Variants in ERN1 observed in about 807,000 individuals in gnomAD.
ERN1 encodes the protein endoplasmic reticulum to nucleus signaling 1.
A neutral mutation model predicts 113.1 loss-of-function variants in ERN1; 39 were observed. The ratio of observed to expected loss-of-function variants is 0.34; its 90% CI spans 0.27 to 0.45. The LOEUF is 0.45. Ranked by LOEUF, ERN1 falls within the 20% of genes least tolerant of loss-of-function variation. The pLI is 1.00. For synonymous variants in ERN1, 507 were observed against 515.9 expected, an observed-to-expected ratio of 0.98 and a Z score of 0.23; for missense variants, 976 against 1,274.8, an observed-to-expected ratio of 0.77 and a Z score of 3.57.
chr17:64,116,156 C>CTT lies in ERN1; in HGVS notation c.54+13819_54+13820insAA. 1.3e-5 allele frequency among the ~76,000 whole-genome samples: 2 copies of CTT among 152,270 alleles called. 1 individual carries two copies. On this transcript the variant is annotated intron_variant, in intron 1 of 21. Coordinates refer to ENST00000433197, the MANE Select transcript of ERN1 (RefSeq NM_001433.5). Reference sequence around the variant, plus strand: ...ACTAATGTTACATGGGACCAGGTGGCTGATTCCCAGGCACACCTACCTACT... The same window carrying CTT: ...ACTAATGTTACATGGGACCAGGTGGCTTTGATTCCCAGGCACACCTACCTACT...
chr17:64,064,514 A>G (rs1440500928), intron 9 of ERN1, among the ~76,000 whole-genome samples: 1 of 152,220 alleles, frequency 6.6e-6, no homozygotes. Flanking sequence ...GTCCAGCCAC[A>G]CGCCCAGTGC....
intron 11 of ERN1, among the ~76,000 whole-genome samples, chr17:64,058,925 C>A (rs1223972933): frequency 2.0e-5 from 3 of 152,138 alleles, no homozygotes; most frequent in African/African-American, 7.2e-5. Context: ...ATATAGGAAG[C>A]ACCTGGGCAT....
rs768712863 is a variant in ERN1 at position 64,055,816 on chromosome 17, G to C, written c.1531C>G (p.Leu511Val). ...TCTGAGTACGGGCCAGACGTGTCCA[G>C]GAGCTCGCCGTCCTGAGCCGTGTCT... Reference protein sequence around the residue: ...PGDTAQDGELLDTSGPYSESS... With the variant: ...PGDTAQDGELVDTSGPYSESS... Residue 511 changes from leucine (L) to valine (V), a missense_variant, in exon 13 of 22, where the codon CTG (leucine) becomes GTG (valine). This residue lies in a region of ERN1 where 112 missense variants were observed against 106.2 expected (regional missense o/e 1.05). Transcript: ENST00000433197. 3 of 1,569,678 alleles carry C rather than the reference G, an allele frequency of 1.9e-6. No homozygotes were observed. The highest frequency in any genetic ancestry group is 2.6e-6 in the Non-Finnish European group (3 of 1,157,526).
At chr17:64,125,222 T>C (rs1265042049) in intron 1 of ERN1, among the ~76,000 whole-genome samples, 2 of 152,232 alleles carry the variant, frequency 1.3e-5, no homozygotes, top group Non-Finnish European at 2.9e-5. Flanking sequence ...TTTTTTAATT[T>C]AGGCTTATCT....
intron 7 of ERN1, chr17:64,067,989 C>A: frequency 1.9e-6 from 1 of 516,386 alleles, no homozygotes. Flanking sequence ...CATTTTACTT[C>A]GGTTTCCCTT....
chr17:64,119,376 G>GTTGTTTTTTTTTTTTT lies in ERN1; in HGVS notation c.54+10599_54+10600insAAAAAAAAAAAAACAA, dbSNP rs777806993. ...TAATATTAGGTTCCTTTTTTTCTAG[G>GTTGTTTTTTTTTTTTT]TTTTTTTTTTTTTTTTTTTTTTTTT... is the stretch of plus-strand genomic sequence containing the variant. On this transcript the variant is annotated intron_variant, in intron 1 of 21. Transcript: ENST00000433197. Among the ~76,000 whole-genome samples, 33 of 77,894 alleles carry GTTGTTTTTTTTTTTTT rather than the reference G, an allele frequency of 4.2e-4. 2 individuals are homozygous for GTTGTTTTTTTTTTTTT. Among genetic ancestry groups the GTTGTTTTTTTTTTTTT allele is most frequent in the African/African-American group, 1.8e-3 (33 of 17,928 alleles). 51.1% of individuals were successfully genotyped at this position (77,894 alleles called of 152,430 possible).
Position 64,054,069 on chromosome 17 carries a change from A to T in ERN1, c.1953+181T>A. 2 of 531,294 alleles carry T rather than the reference A, an allele frequency of 3.8e-6. No individual in the cohort carries two copies. The highest frequency in any genetic ancestry group is 4.8e-5 in the South Asian group (2 of 41,426). The allele number at this position is 531,294 out of a possible 1,614,324, so 32.9% of individuals were successfully genotyped here. ...ATCTTCCCACCTCAGCCTCCCAAGT[A>T]GCTGGGGCTACAGGAACACATCGCT... On this transcript the variant is annotated intron_variant, in intron 15 of 21. Transcript: ENST00000433197. This position sits in a 1 kb window ranked among gnomAD's most constrained non-coding sequence, Gnocchi z 4.9.
chr17:64,119,158 TAAAC>T (rs1415261425), intron 1 of ERN1, among the ~76,000 whole-genome samples: 2 of 151,952 alleles, frequency 1.3e-5, no homozygotes, highest in East Asian at 3.9e-4. Context: ...TATAAATAAA[TAAAC>T]AAGCATAAGT....
intron 1 of ERN1, among the ~76,000 whole-genome samples, chr17:64,120,807 A>C (rs1237653324): frequency 6.6e-6 from 1 of 152,224 alleles, no homozygotes; most frequent in Non-Finnish European, 1.5e-5. Flanking sequence ...CAACTGGTGC[A>C]ATCCCATTAA....
At position 64,040,451 on chromosome 17, in the gene ERN1, T is replaced by G. The variant is rs1912302244; in HGVS notation, c.*3537A>C. 6.6e-6 allele frequency: 1 copy of G among 151,926 alleles called. No individual in the cohort carries two copies. The highest frequency in any genetic ancestry group is 2.1e-4 in the South Asian group (1 of 4,794). 9.4% of individuals were successfully genotyped at this position (151,926 alleles called of 1,614,324 possible). ...AGGAGAAAGCCGTACAATCCAAAGG[T>G]CCCCCCATCTGCATGAACGGTTTGA... On this transcript the variant is annotated 3_prime_UTR_variant, in exon 22 of 22. Coordinates refer to ENST00000433197, the MANE Select transcript of ERN1 (RefSeq NM_001433.5).
intron 4 of ERN1, 150 bp from the exon 5 acceptor site, chr17:64,075,397 A>G: frequency 3.1e-6 from 2 of 648,248 alleles, no homozygotes; most frequent in South Asian, 1.9e-5. Context: ...AATACAAAGG[A>G]GAAGGGGGCA....
Position 64,041,678 on chromosome 17 carries a change from C to G in ERN1, c.*2310G>C. ...ACAGAAGAGATGTAAACCGCAAACA[C>G]GCGCCCTTCCCCACACACTTTGGTT... is the stretch of plus-strand genomic sequence containing the variant. On this transcript the variant is annotated 3_prime_UTR_variant, in exon 22 of 22. Coordinates refer to ENST00000433197, the MANE Select transcript of ERN1 (RefSeq NM_001433.5). 6.6e-6 allele frequency: 1 copy of G among 152,300 alleles called. No homozygotes were observed. The highest frequency in any genetic ancestry group is 3.4e-3 in the Middle Eastern group (1 of 294). 9.4% of individuals were successfully genotyped at this position (152,300 alleles called of 1,614,324 possible).
rs1264764929 is a variant in ERN1 at position 64,039,592 on chromosome 17, G to T, written c.*4396C>A. On this transcript the variant is annotated 3_prime_UTR_variant, in exon 22 of 22. Coordinates refer to ENST00000433197, the MANE Select transcript of ERN1 (RefSeq NM_001433.5). ...CCAAAACAAATCTGATGTGCTTTAA[G>T]CAAGTACAATTGTAACTGGATACAT... 1 of 152,134 alleles carries T rather than the reference G, an allele frequency of 6.6e-6. No homozygotes were observed. The highest frequency in any genetic ancestry group is 1.5e-5 in the Non-Finnish European group (1 of 68,020). 9.4% of individuals were successfully genotyped at this position (152,134 alleles called of 1,614,324 possible).
chr17:64,060,478 G>A lies in ERN1; in HGVS notation c.1197C>T (p.Ser399=), dbSNP rs1324852845. The change falls in exon 11 of 22, where the codon AGC becomes AGT. Residue 399 remains serine, a synonymous_variant. Transcript: ENST00000433197. ...TCGCTTCCTCACTCACTTCCTCAAA[G>A]CTCTTTTTCTCTGAATCAGCAGGAA... ...NVIPADSEKK[S]FEEVINLVDQ... is the part of the protein sequence containing the mutation. The A allele has an allele frequency of 1.2e-6, 2 of 1,610,942 alleles. No individual in the cohort carries two copies. Among genetic ancestry groups the A allele is most frequent in the East Asian group, 2.2e-5 (1 of 44,852 alleles).
rs75995183 is a variant in ERN1 at position 64,075,218 on chromosome 17, C to T, written c.312G>A (p.Val104=). Reference sequence around the variant, plus strand: ...CTGAACTTCGGCATGGGGATGCCTGCACCAATTCTGGGATGGTAAAAGGAA... The same window carrying T: ...CTGAACTTCGGCATGGGGATGCCTGTACCAATTCTGGGATGGTAAAAGGAA... ...TKLPFTIPEL[V]QASPCRSSDG... The change falls in exon 5 of 22, where the codon GTG becomes GTA. Residue 104 remains valine, a synonymous_variant. Coordinates refer to ENST00000433197, the MANE Select transcript of ERN1 (RefSeq NM_001433.5). 74,261 of 1,495,748 alleles carry T rather than the reference C, an allele frequency of 0.05. 2,207 individuals carry two copies. Among genetic ancestry groups the T allele is most frequent in the Middle Eastern group, 0.078 (453 of 5,820 alleles). The allele number at this position is 1,495,748 out of a possible 1,614,324, so 92.7% of individuals were successfully genotyped here.
At chr17:64,055,232 G>A (rs1347384078) in intron 13 of ERN1, among the ~76,000 whole-genome samples, 1 of 152,204 alleles carries the variant, frequency 6.6e-6, no homozygotes, top group African/African-American at 2.4e-5. Flanking sequence ...TGTAAAACGA[G>A]GAGACTCCTT....
At position 64,060,508 on chromosome 17, in the gene ERN1, A is replaced by C. The variant is rs1377135438; in HGVS notation, c.1167T>G (p.Asn389Lys). Residue 389 changes from asparagine to lysine, a missense_variant, in exon 11 of 22, where the codon AAT becomes AAG. Coordinates refer to ENST00000433197, the MANE Select transcript of ERN1 (RefSeq NM_001433.5). ...FPNNLPKHRE[N>K]VIPADSEKKS... ...TTTTCTCTGAATCAGCAGGAATCAC[A>C]TTTTCCCGATGTTTGGGTAGATTGT... 1 of 1,613,746 alleles carries C rather than the reference A, an allele frequency of 6.2e-7. No individual in the cohort carries two copies. The highest frequency in any genetic ancestry group is 1.6e-4 in the Middle Eastern group (1 of 6,062).
intron 9 of ERN1, 141 bp from the exon 10 acceptor site, chr17:64,064,292 A>G (rs2143368844): frequency 4.5e-6 from 4 of 897,072 alleles, no homozygotes. Context: ...AAAGGCCCAA[A>G]GTCTGGGCAA....
chr17:64,071,919 G>C (rs1913432025), intron 6 of ERN1, 62 bp downstream of exon 6: 1 of 1,537,532 alleles, frequency 6.5e-7, no homozygotes, highest in Non-Finnish European at 8.8e-7. Flanking sequence ...AAGGAGGCTG[G>C]GGAGCTTCTT....
Sources: gnomAD v4.1 joint callset for allele counts (sites outside exome capture counted in the v4.1 genomes callset) on GRCh38, gnomAD v4.1.1 for gene constraint, gnomAD v4.1.1 regional missense constraint, Gnocchi (gnomAD v3.1) non-coding constraint, MANE v1.5 for transcripts, NCBI Gene and HGNC (gene_info 2026-07-23, HGNC 2026-07-21) for gene names.